Variants in GLG1 observed in about 807,000 individuals in gnomAD.
GLG1 encodes the protein Golgi apparatus protein 1.
In GLG1, 38 loss-of-function variants were observed where a neutral mutation model predicts 160.5. The ratio of observed to expected loss-of-function variants is 0.24; its 90% CI spans 0.18 to 0.31. The LOEUF (loss-of-function observed/expected upper bound fraction) is 0.31. Ranked by LOEUF, GLG1 falls within the 10% of genes least tolerant of loss-of-function variation. The pLI is 1.00. For synonymous variants in GLG1, 644 were observed against 543.4 expected, an observed-to-expected ratio of 1.19 and a Z score of -2.57; for missense variants, 1,373 against 1,505.2, an observed-to-expected ratio of 0.91 and a Z score of 1.45.
Position 74,485,924 on chromosome 16 carries a change from T to C in GLG1, c.1450-7A>G. On this transcript the variant is annotated splice_region_variant and splice_polypyrimidine_tract_variant and intron_variant, in intron 8 of 25. Coordinates refer to ENST00000422840, the MANE Select transcript of GLG1 (RefSeq NM_001145667.2). ...CCTGAATCAGTGTTTGAAGCTGAAT[T>C]AAAATAAATTAAGAAGGAAGAAAGA... 1.9e-6 allele frequency: 3 copies of C among 1,606,734 alleles called. No individual in the cohort carries two copies. Among genetic ancestry groups the C allele is most frequent in the Non-Finnish European group, 1.7e-6 (2 of 1,175,990 alleles).
intron 1 of GLG1, among the ~76,000 whole-genome samples, chr16:74,566,692 A>G (rs2018662961): frequency 6.6e-6 from 1 of 152,128 alleles, no homozygotes; most frequent in Non-Finnish European, 1.5e-5. Flanking sequence ...TTAGATTATT[A>G]TTCTTATACT....
Position 74,588,925 on chromosome 16 carries a change from C to CT in GLG1, c.438+17731dup, listed in dbSNP as rs869259739. ...GGGAAAAGGTTGTTAGACCAATATCCTTTTTTTTTTTTAAATCAAATGTAT... is the reference window on the plus strand; with the variant it reads ...GGGAAAAGGTTGTTAGACCAATATCCTTTTTTTTTTTTTAAATCAAATGTAT... On this transcript the variant is annotated intron_variant, in intron 1 of 25. Coordinates refer to ENST00000422840, the MANE Select transcript of GLG1 (RefSeq NM_001145667.2). 3.0e-3 allele frequency among the ~76,000 whole-genome samples: 439 copies of CT among 145,216 alleles called. 1 individual carries two copies. The highest frequency in any genetic ancestry group is 9.5e-3 in the African/African-American group (378 of 39,806).
chr16:74,596,393 G>A (rs1438336394), intron 1 of GLG1, among the ~76,000 whole-genome samples: 1 of 151,888 alleles, frequency 6.6e-6, no homozygotes, highest in Non-Finnish European at 1.5e-5. Flanking sequence ...GCCAGAAGTG[G>A]TGGCGTGTGC....
chr16:74,507,861 C>T lies in GLG1; in HGVS notation c.558+978G>A, dbSNP rs984287087. Among the ~76,000 whole-genome samples the T allele has an allele frequency of 2.0e-5, 3 of 152,062 alleles. 1 individual carries two copies. Among genetic ancestry groups the T allele is most frequent in the African/African-American group, 7.2e-5 (3 of 41,386 alleles). ...CAGTTATTAAGCAAACATCTTTGCCCTTGATATTTTAAAGTTAGAGGTTTA... is the reference window on the plus strand; with the variant it reads ...CAGTTATTAAGCAAACATCTTTGCCTTTGATATTTTAAAGTTAGAGGTTTA... On this transcript the variant is annotated intron_variant, in intron 3 of 25. Coordinates refer to ENST00000422840, the MANE Select transcript of GLG1 (RefSeq NM_001145667.2).
At chr16:74,568,242 A>G (rs985536390) in intron 1 of GLG1, among the ~76,000 whole-genome samples, 24 of 152,128 alleles carry the variant, frequency 1.6e-4, no homozygotes, top group African/African-American at 5.8e-4. Context: ...CCTGTGCTAA[A>G]CCTTGTCTTT....
chr16:74,583,130 T>C (rs749810072), intron 1 of GLG1, among the ~76,000 whole-genome samples: 1 of 152,150 alleles, frequency 6.6e-6, no homozygotes, highest in African/African-American at 2.4e-5. Context: ...CAACCCTTCA[T>C]CGCAAGCTGT....
intron 23 of GLG1, chr16:74,458,315 T>C (rs1427634666): frequency 1.9e-5 from 4 of 207,784 alleles, no homozygotes; most frequent in Admixed American, 1.1e-4. Flanking sequence ...AATATTTTTA[T>C]TGGTGTGATA....
At chr16:74,481,132 C>T (rs1322830130) in intron 10 of GLG1, among the ~76,000 whole-genome samples, 2 of 152,144 alleles carry the variant, frequency 1.3e-5, no homozygotes, top group African/African-American at 4.8e-5. Context: ...AAGTTCAATC[C>T]TATGTAATGT....
At chr16:74,519,270 G>A (rs1038749038) in intron 2 of GLG1, among the ~76,000 whole-genome samples, 3 of 151,028 alleles carry the variant, frequency 2.0e-5, no homozygotes, top group East Asian at 2.0e-4. Context: ...TCACTCATAC[G>A]TGGTAGTTGA....
chr16:74,596,948 CT>C (rs1958318817), intron 1 of GLG1, among the ~76,000 whole-genome samples: 2 of 151,794 alleles, frequency 1.3e-5, no homozygotes, highest in South Asian at 4.1e-4. Context: ...GAGACCTCAT[CT>C]CTACAAAAAA....
chr16:74,501,597 C>T (rs569736966), intron 4 of GLG1, among the ~76,000 whole-genome samples: 1 of 152,270 alleles, frequency 6.6e-6, no homozygotes, highest in South Asian at 2.1e-4. Flanking sequence ...TGGTGGTTAC[C>T]AGGCAAGAAC....
At chr16:74,466,680 A>T (rs1229152441) in intron 18 of GLG1, among the ~76,000 whole-genome samples, 1 of 152,246 alleles carries the variant, frequency 6.6e-6, no homozygotes, top group Non-Finnish European at 1.5e-5. Flanking sequence ...AGACAACAGT[A>T]AATAAGAATC....
chr16:74,599,015 T>A (rs748215593), intron 1 of GLG1, among the ~76,000 whole-genome samples: 7 of 152,126 alleles, frequency 4.6e-5, no homozygotes, highest in Non-Finnish European at 8.8e-5. Flanking sequence ...CAGCATTTCA[T>A]CTTTTGGACT....
In GLG1 at chr16:74,493,100, T is replaced by C. The variant is rs1355367850; in HGVS notation, c.1091A>G (p.Gln364Arg). 3 of 1,613,568 alleles carry C rather than the reference T, an allele frequency of 1.9e-6. No individual in the cohort carries two copies. Among genetic ancestry groups the C allele is most frequent in the Non-Finnish European group, 2.5e-6 (3 of 1,179,808 alleles). ...CAATGAATAACTGACTTTATAATCCTGGGCAATCAGCTTTTGGCGGGTTGT... is the reference window on the plus strand; with the variant it reads ...CAATGAATAACTGACTTTATAATCCCGGGCAATCAGCTTTTGGCGGGTTGT... ...ALTTRQKLIAQDYKVSYSLAK... is the reference protein window; with the variant it reads ...ALTTRQKLIARDYKVSYSLAK... Residue 364 changes from glutamine (Q) to arginine (R), a missense_variant, in exon 7 of 26, where the codon CAG becomes CGG. Coordinates refer to ENST00000422840, the MANE Select transcript of GLG1 (RefSeq NM_001145667.2).
chr16:74,488,163 C>T (rs1203281316), intron 8 of GLG1, among the ~76,000 whole-genome samples: 2 of 152,070 alleles, frequency 1.3e-5, no homozygotes, highest in East Asian at 1.9e-4. Flanking sequence ...CTAAATCAAT[C>T]ACCAAGCAGA....
chr16:74,516,424 T>C (rs2016980376), intron 2 of GLG1, among the ~76,000 whole-genome samples: 1 of 151,946 alleles, frequency 6.6e-6, no homozygotes, highest in Admixed American at 6.6e-5. Flanking sequence ...CTCAACTACA[T>C]GGAAACTGAA....
chr16:74,500,279 AC>A (rs2016358039), intron 4 of GLG1, among the ~76,000 whole-genome samples: 2 of 152,220 alleles, frequency 1.3e-5, no homozygotes, highest in Non-Finnish European at 2.9e-5. Flanking sequence ...AGTTATTAAT[AC>A]ACAGGCTTGG....
intron 18 of GLG1, 26 bp from the exon 19 acceptor site, chr16:74,465,839 T>G (rs774797664): frequency 9.3e-6 from 15 of 1,609,220 alleles, no homozygotes; most frequent in Non-Finnish European, 4.3e-6. Flanking sequence ...TATAGTCAAG[T>G]TGAGAGATGT....
rs2014390722 is a variant in GLG1, at chr16:74,453,102, G to A, written c.*65C>T. 1.3e-6 allele frequency: 2 copies of A among 1,567,998 alleles called. No homozygotes were observed. The highest frequency in any genetic ancestry group is 1.2e-5 in the South Asian group (1 of 82,676). On this transcript the variant is annotated 3_prime_UTR_variant, in exon 26 of 26. Coordinates refer to ENST00000422840, the MANE Select transcript of GLG1 (RefSeq NM_001145667.2). The stretch of plus-strand genomic sequence containing the variant: ...TGAGAAGAGCGAGGTGAGTGGGGAT[G>A]CTATACAAGAGGGCTGTACAAACTG...
Sources: allele counts gnomAD v4.1 joint callset (sites outside exome capture counted in the v4.1 genomes callset), GRCh38; gene constraint gnomAD v4.1.1; transcripts MANE v1.5; gene names NCBI Gene and HGNC (gene_info 2026-07-23, HGNC 2026-07-21).